Variants in PKD1L1 observed in about 807,000 individuals in gnomAD.
PKD1L1 encodes the protein polycystin-1-like protein 1.
A neutral mutation model predicts 323.4 loss-of-function variants in PKD1L1; 236 were observed. That is an observed-to-expected ratio of 0.73 (90% CI 0.66 to 0.81). PKD1L1 has a LOEUF of 0.81. Among genes scored for constraint, PKD1L1 ranks in the 40% least tolerant of loss-of-function variants. The probability of loss-of-function intolerance (pLI) is 0.00; values close to 1 mark genes in which losing one functional copy is unlikely to be tolerated. For missense variants in PKD1L1, 3,320 were observed against 3,508.0 expected (o/e 0.95, Z 1.35); for synonymous variants, 1,344 against 1,335.0 (o/e 1.01, Z -0.15).
chr7:47,884,724 C>T (rs374717263), intron 18 of PKD1L1, 67 bp from the exon 19 acceptor site: 1 of 1,279,230 alleles, frequency 7.8e-7, no homozygotes. Flanking sequence ...TTAACAGCAG[C>T]TCCCCTGATG....
At position 47,800,875 on chromosome 7, in the gene PKD1L1, A is replaced by C. The variant is rs751547262; in HGVS notation, c.7967T>G (p.Val2656Gly). 17 of 1,613,532 alleles carry C rather than the reference A, an allele frequency of 1.1e-5. No individual in the cohort carries two copies. Among genetic ancestry groups the C allele is most frequent in the South Asian group, 2.2e-5 (2 of 91,076 alleles). ...SLPSIFVAGL[V>G]GALMLAALSH... is the part of the protein sequence containing the mutation. ...GAGGGCGGCCAGCATCAGTGCCCCC[A>C]CCAGCTGCAGAAAGAAAATCCAGAG... The change falls in exon 54 of 57, where the codon GTG becomes GGG. Residue 2656 changes from valine to glycine, a missense_variant. By Grantham distance (109) the Val-to-Gly change is moderately radical (BLOSUM62 -3). Transcript: ENST00000289672.
chr7:47,940,061 T>G, intron 3 of PKD1L1, 132 bp downstream of exon 3: 1 of 1,236,984 alleles, frequency 8.1e-7, no homozygotes, highest in Non-Finnish European at 1.1e-6. Flanking sequence ...ACTTGCTTCA[T>G]TGGCACAAAC....
At chr7:47,820,973 T>C in intron 46 of PKD1L1, 103 bp downstream of exon 46, 1 of 679,106 alleles carries the variant, frequency 1.5e-6, no homozygotes, top group Non-Finnish European at 2.6e-6. Context: ...GTGACAATCT[T>C]TCCAGTATTT....
At chr7:47,816,047 C>T (rs542645379) in intron 46 of PKD1L1, among the ~76,000 whole-genome samples, 4 of 152,194 alleles carry the variant, frequency 2.6e-5, no homozygotes, top group East Asian at 3.9e-4. Flanking sequence ...GGGAAGGTGT[C>T]GGGGCCACAG....
intron 26 of PKD1L1, among the ~76,000 whole-genome samples, chr7:47,862,769 G>T (rs1413897530): frequency 6.6e-6 from 1 of 152,182 alleles, no homozygotes; most frequent in Non-Finnish European, 1.5e-5. Context: ...ACCCCTGGAG[G>T]ATGGTTAGGA....
the PKD1L1 span, among the ~76,000 whole-genome samples, chr7:47,957,620 C>T: frequency 6.6e-6 from 1 of 151,922 alleles, no homozygotes; most frequent in Admixed American, 6.6e-5. Context: ...CCAATCCTCC[C>T]ACCTCAGCCT....
chr7:47,781,365 A>G (rs1442104396), intron 56 of PKD1L1, among the ~76,000 whole-genome samples: 2 of 150,978 alleles, frequency 1.3e-5, no homozygotes, highest in South Asian at 2.1e-4. Flanking sequence ...TCCTCTCAAT[A>G]AAGTCATTTG....
At chr7:47,881,493 A>T (rs538206562) in intron 20 of PKD1L1, among the ~76,000 whole-genome samples, 2 of 152,332 alleles carry the variant, frequency 1.3e-5, no homozygotes, top group African/African-American at 4.8e-5. Flanking sequence ...GGGAAATACA[A>T]CAAATTGAGC....
In PKD1L1 at chr7:47,815,379, G is replaced by T. The variant is rs73331721; in HGVS notation, c.7044C>A (p.Gly2348=). ...WDWSLTTLLD[G]LYPGGTPSAR... ...CTGACGGGGTGCCTCCCGGGTACAG[G>T]CCATCCAGAAGTGTGGTCAGACTCC... Residue 2348 remains glycine, a synonymous_variant, in exon 47 of 57, where the codon GGC becomes GGA. Transcript: ENST00000289672. 21 of 1,613,994 alleles carry T rather than the reference G, an allele frequency of 1.3e-5. No homozygotes were observed. The highest frequency in any genetic ancestry group is 1.7e-5 in the Admixed American group (1 of 60,002).
intron 34 of PKD1L1, among the ~76,000 whole-genome samples, chr7:47,842,227 G>C (rs1490270202): frequency 6.6e-6 from 1 of 152,090 alleles, no homozygotes; most frequent in African/African-American, 2.4e-5. Context: ...GTAGACGAAG[G>C]GCTTATGGTG....
intron 55 of PKD1L1, among the ~76,000 whole-genome samples, chr7:47,794,905 T>G (rs925311777): frequency 4.6e-5 from 7 of 152,194 alleles, no homozygotes; most frequent in African/African-American, 1.7e-4. Flanking sequence ...CTGTAACCCC[T>G]TGGTTTTGGC....
Position 47,864,803 on chromosome 7 carries a change from C to T in PKD1L1, c.4149+413G>A, listed in dbSNP as rs192355688. On this transcript the variant is annotated intron_variant, in intron 26 of 56. Coordinates refer to ENST00000289672, the MANE Select transcript of PKD1L1 (RefSeq NM_138295.5). ...GCGCGATCTCGGCTCACTGCAACCT[C>T]CGCCTCCTGGCTTCAAGCGATTCTC... 7.9e-4 allele frequency among the ~76,000 whole-genome samples: 120 copies of T among 151,612 alleles called. No individual in the cohort carries two copies. In the East Asian group the frequency reaches 1.0e-2, roughly 13 times the overall value.
At chr7:47,797,403 G>A (rs893405655) in intron 54 of PKD1L1, among the ~76,000 whole-genome samples, 1 of 152,174 alleles carries the variant, frequency 6.6e-6, no homozygotes, top group Admixed American at 6.5e-5. Context: ...GTTCTTGATT[G>A]GTCCCCAAAT....
intron 3 of PKD1L1, among the ~76,000 whole-genome samples, chr7:47,938,483 G>A (rs997060532): frequency 6.6e-6 from 1 of 152,172 alleles, no homozygotes; most frequent in Non-Finnish European, 1.5e-5. Flanking sequence ...AAAAGGCATG[G>A]TGCTAGTGAG....
At chr7:47,788,856 C>T (rs750836949) in intron 56 of PKD1L1, among the ~76,000 whole-genome samples, 2 of 151,940 alleles carry the variant, frequency 1.3e-5, no homozygotes, top group Non-Finnish European at 2.9e-5. Context: ...CTTGGCCTCC[C>T]GAAGTGCTGG....
chr7:47,864,605 TTTC>T (rs1406420005), intron 26 of PKD1L1, among the ~76,000 whole-genome samples: 84 of 108,954 alleles, frequency 7.7e-4, no homozygotes, highest in African/African-American at 3.6e-3. Flanking sequence ...TCTTTCTTTC[TTTC>T]TTTCTTTCTT....
chr7:47,954,079 T>C, the PKD1L1 span, among the ~76,000 whole-genome samples: 1 of 152,170 alleles, frequency 6.6e-6, no homozygotes, highest in Non-Finnish European at 1.5e-5. Flanking sequence ...TAGCTTGAGG[T>C]TAGAAACACA....
chr7:47,949,646 C>T (rs969435292), upstream of PKD1L1, among the ~76,000 whole-genome samples: 51 of 152,146 alleles, frequency 3.4e-4, no homozygotes, highest in African/African-American at 1.2e-3. Context: ...TTTATACCAA[C>T]ATTTAAACCT....
chr7:47,826,355 G>C (rs1785240548), intron 45 of PKD1L1, among the ~76,000 whole-genome samples: 1 of 152,024 alleles, frequency 6.6e-6, no homozygotes, highest in South Asian at 2.1e-4. Flanking sequence ...TTTATGAGGA[G>C]GTTTGATAAG....
Sources: gnomAD v4.1 joint callset for allele counts (sites outside exome capture counted in the v4.1 genomes callset) on GRCh38, gnomAD v4.1.1 for gene constraint, MANE v1.5 for transcripts, NCBI Gene and HGNC (gene_info 2026-07-23, HGNC 2026-07-21) for gene names.